Variants in SLC41A2 observed in about 807,000 individuals in gnomAD.
The protein encoded by SLC41A2 is solute carrier family 41 member 2.
A neutral mutation model predicts 58.3 loss-of-function variants in SLC41A2; 32 were observed. That is an observed-to-expected ratio of 0.55 (90% CI 0.41 to 0.74). The LOEUF (loss-of-function observed/expected upper bound fraction) is 0.74, where lower values mean the gene tolerates loss of function less well. Among genes scored for constraint, SLC41A2 ranks in the 30% least tolerant of loss-of-function variants. The pLI is 0.00. For missense variants in SLC41A2, 514 were observed against 680.6 expected, an observed-to-expected ratio of 0.76 and a Z score of 2.72; for synonymous variants, 190 against 235.0, an observed-to-expected ratio of 0.81 and a Z score of 1.75.
At chr12:104,903,648 T>C (rs2045668462) in intron 3 of SLC41A2, among the ~76,000 whole-genome samples, 1 of 152,266 alleles carries the variant, frequency 6.6e-6, no homozygotes, top group Non-Finnish European at 1.5e-5. Context: ...GTCCTGCCTC[T>C]GGCCCTTTGC....
intron 6 of SLC41A2, among the ~76,000 whole-genome samples, chr12:104,867,238 C>A (rs1008322988): frequency 3.3e-5 from 5 of 152,010 alleles, no homozygotes; most frequent in African/African-American, 1.2e-4. Flanking sequence ...CTAAATCTCC[C>A]TAGGGTTAAA....
At chr12:104,849,565 C>T (rs1025948090) in intron 8 of SLC41A2, among the ~76,000 whole-genome samples, 2 of 152,204 alleles carry the variant, frequency 1.3e-5, no homozygotes, top group Non-Finnish European at 2.9e-5. Context: ...CAGTGGCTCA[C>T]ACCTGTAATC....
At chr12:104,826,098 A>G (rs1203103312) in intron 10 of SLC41A2, among the ~76,000 whole-genome samples, 1 of 152,160 alleles carries the variant, frequency 6.6e-6, no homozygotes, top group Non-Finnish European at 1.5e-5. Context: ...AAATGAGGGA[A>G]GCCTCTATTC....
At chr12:104,856,555 A>G (rs1329619508) in intron 8 of SLC41A2, among the ~76,000 whole-genome samples, 2 of 152,154 alleles carry the variant, frequency 1.3e-5, no homozygotes, top group Non-Finnish European at 2.9e-5. Context: ...GACTTGGGAT[A>G]AAAAACTTGT....
intron 3 of SLC41A2, among the ~76,000 whole-genome samples, chr12:104,901,182 T>C (rs935107149): frequency 6.6e-6 from 1 of 152,134 alleles, no homozygotes; most frequent in Non-Finnish European, 1.5e-5. Flanking sequence ...TCCTGGGAAA[T>C]AGTTTTACAA....
intron 9 of SLC41A2, among the ~76,000 whole-genome samples, chr12:104,845,544 C>T (rs1418914929): frequency 6.6e-6 from 1 of 152,158 alleles, no homozygotes; most frequent in South Asian, 2.1e-4. Flanking sequence ...TAAGATAGTA[C>T]ATCTGCCTCC....
chr12:104,873,845 C>G lies in SLC41A2; in HGVS notation c.1028-7266G>C, dbSNP rs990106150. 5.9e-5 allele frequency among the ~76,000 whole-genome samples: 9 copies of G among 152,224 alleles called. No individual in the cohort carries two copies. In the East Asian group the frequency reaches 1.7e-3, roughly 29 times the overall value. The stretch of plus-strand genomic sequence containing the variant: ...TGTGCTCTTGGGGGAAATGTCTACT[C>G]AGGTCCTTTGCCCAGTTTTAAATTG... On this transcript the variant is annotated intron_variant, in intron 6 of 10. Coordinates refer to ENST00000258538, the MANE Select transcript of SLC41A2 (RefSeq NM_001352171.3).
chr12:104,833,965 AT>A, intron 10 of SLC41A2: 1 of 952,100 alleles, frequency 1.1e-6, no homozygotes, highest in Non-Finnish European at 1.3e-6. Context: ...TGTCAGCAGG[AT>A]TCAGAGCACA....
chr12:104,827,057 C>G (rs117456044), intron 10 of SLC41A2, among the ~76,000 whole-genome samples: 1 of 152,160 alleles, frequency 6.6e-6, no homozygotes, highest in African/African-American at 2.4e-5. Flanking sequence ...TAAGACCAAG[C>G]CTTCTCTGAG....
intron 1 of SLC41A2, among the ~76,000 whole-genome samples, chr12:104,946,753 A>G (rs2047733918): frequency 6.6e-6 from 1 of 152,228 alleles, no homozygotes; most frequent in Admixed American, 6.5e-5. Context: ...GGGGAATTTC[A>G]AGTGACTTAT....
chr12:104,943,160 A>C (rs2135951857), intron 1 of SLC41A2, among the ~76,000 whole-genome samples: 1 of 152,318 alleles, frequency 6.6e-6, no homozygotes, highest in Non-Finnish European at 1.5e-5. Flanking sequence ...AAAGGAAAAA[A>C]AGCAAAAACC....
At chr12:104,820,885 T>C (rs2041607241) in intron 10 of SLC41A2, among the ~76,000 whole-genome samples, 2 of 152,208 alleles carry the variant, frequency 1.3e-5, no homozygotes, top group Non-Finnish European at 2.9e-5. Context: ...CCTCAGGTGA[T>C]CCACTCACCT....
intron 10 of SLC41A2, among the ~76,000 whole-genome samples, chr12:104,833,678 T>G (rs774426978): frequency 9.2e-5 from 14 of 152,200 alleles, no homozygotes; most frequent in Non-Finnish European, 2.1e-4. Context: ...TACACTGAAC[T>G]AATACAAATG....
intron 8 of SLC41A2, among the ~76,000 whole-genome samples, chr12:104,851,347 TA>T (rs1281041242): frequency 1.3e-5 from 2 of 152,146 alleles, no homozygotes; most frequent in Non-Finnish European, 2.9e-5. Context: ...TGAAAGAGAA[TA>T]AATCATTTGG....
intron 1 of SLC41A2, among the ~76,000 whole-genome samples, chr12:104,955,756 GT>G (rs56954607): frequency 0.66 from 95,320 of 144,718 alleles, 31,364 homozygotes; most frequent in South Asian, 0.76. Flanking sequence ...CTTTTTAGTG[GT>G]TTTTTTTTTT....
chr12:104,922,275 C>G (rs902872518), intron 2 of SLC41A2, among the ~76,000 whole-genome samples: 1 of 152,018 alleles, frequency 6.6e-6, no homozygotes, highest in African/African-American at 2.4e-5. Context: ...ACAAGAAACC[C>G]ACTTCATCTA....
chr12:104,953,014 T>C (rs1241699843), intron 1 of SLC41A2, among the ~76,000 whole-genome samples: 2 of 152,224 alleles, frequency 1.3e-5, no homozygotes, highest in Non-Finnish European at 2.9e-5. Flanking sequence ...TAATGGTACT[T>C]GTACTAACTG....
chr12:104,888,985 C>A, intron 5 of SLC41A2, 48 bp downstream of exon 5: 6 of 1,456,154 alleles, frequency 4.1e-6, no homozygotes, highest in South Asian at 3.0e-5. Context: ...AGAAATAAAC[C>A]ATTTAAATGT....
intron 10 of SLC41A2, among the ~76,000 whole-genome samples, chr12:104,829,638 G>A (rs1214717846): frequency 6.6e-6 from 1 of 151,462 alleles, no homozygotes; most frequent in African/African-American, 2.4e-5. Flanking sequence ...CCTTAATGTC[G>A]ATCTTTTTAA....
Sources: allele counts gnomAD v4.1 joint callset (sites outside exome capture counted in the v4.1 genomes callset), GRCh38; gene constraint gnomAD v4.1.1; transcripts MANE v1.5; gene names NCBI Gene and HGNC (gene_info 2026-07-23, HGNC 2026-07-21).